Variants in LRIF1 observed in about 807,000 individuals in gnomAD.
LRIF1 encodes the protein ligand-dependent nuclear receptor-interacting factor 1.
LRIF1 carries 32 observed loss-of-function variants against 52.7 expected under a neutral mutation model. The ratio of observed to expected loss-of-function variants is 0.61; its 90% CI spans 0.46 to 0.82. The LOEUF (loss-of-function observed/expected upper bound fraction) is 0.82, where lower values mean the gene tolerates loss of function less well. Ranked by LOEUF, LRIF1 falls within the 40% of genes least tolerant of loss-of-function variation. The pLI is 0.00. For missense variants in LRIF1, 887 were observed against 892.0 expected, an observed-to-expected ratio of 0.99 and a Z score of 0.07; for synonymous variants, 323 against 317.4, an observed-to-expected ratio of 1.02 and a Z score of -0.19.
chr1:110,898,572 T>A, the LRIF1 span, among the ~76,000 whole-genome samples: 45 of 152,190 alleles, frequency 3.0e-4, no homozygotes, highest in Middle Eastern at 3.4e-3. Context: ...AAGGGGCTGA[T>A]GACGAAAATT....
chr1:110,880,128 G>A, the LRIF1 span: 1 of 152,282 alleles, frequency 6.6e-6, no homozygotes, highest in East Asian at 1.9e-4. Context: ...TGATATTGGT[G>A]GCTTTTTGCA....
the LRIF1 span, among the ~76,000 whole-genome samples, chr1:110,898,222 A>G: frequency 6.6e-6 from 1 of 151,962 alleles, no homozygotes; most frequent in Non-Finnish European, 1.5e-5. Context: ...CTAAAAATAC[A>G]AAAAATTAAC....
chr1:110,959,682 C>T (rs981288319), intron 1 of LRIF1, among the ~76,000 whole-genome samples: 4 of 135,722 alleles, frequency 2.9e-5, no homozygotes, highest in East Asian at 2.2e-4. Flanking sequence ...CCCAGGAGGT[C>T]GAGGTTGCAG....
At chr1:110,942,388 G>T (rs1658114340), downstream of LRIF1, 1 of 151,970 alleles carries the variant, frequency 6.6e-6, no homozygotes. Flanking sequence ...TTTTTTTAGG[G>T]TGAATTTTCT....
At chr1:110,927,324 A>ATT in the LRIF1 span, among the ~76,000 whole-genome samples, 1 of 152,110 alleles carries the variant, frequency 6.6e-6, no homozygotes, top group Non-Finnish European at 1.5e-5. Context: ...GTGAGGAGCT[A>ATT]TTGTCTTTCC....
At chr1:110,880,436 A>T in the LRIF1 span, 1 of 152,176 alleles carries the variant, frequency 6.6e-6, no homozygotes, top group Non-Finnish European at 1.5e-5. Flanking sequence ...GGAAAGAATC[A>T]GTAGGAATGT....
chr1:110,932,517 A>T, the LRIF1 span, among the ~76,000 whole-genome samples: 2 of 152,152 alleles, frequency 1.3e-5, no homozygotes, highest in Non-Finnish European at 2.9e-5. Context: ...CAATTCTGTG[A>T]AGAAACTCAG....
At chr1:110,956,404 G>T (rs968078597) in intron 1 of LRIF1, among the ~76,000 whole-genome samples, 1 of 152,146 alleles carries the variant, frequency 6.6e-6, no homozygotes, top group African/African-American at 2.4e-5. Context: ...ATTGATAAGA[G>T]TTATTAAAAT....
At chr1:110,882,802 T>C in the LRIF1 span, among the ~76,000 whole-genome samples, 3 of 152,080 alleles carry the variant, frequency 2.0e-5, no homozygotes, top group Middle Eastern at 3.2e-3. Context: ...GATTTATGCC[T>C]AAGTATTTCA....
At chr1:110,913,617 C>T in the LRIF1 span, among the ~76,000 whole-genome samples, 1 of 152,150 alleles carries the variant, frequency 6.6e-6, no homozygotes, top group South Asian at 2.1e-4. Context: ...GTCAGAATGG[C>T]TATTACTAAA....
At chr1:110,922,951 C>T in the LRIF1 span, among the ~76,000 whole-genome samples, 34 of 152,320 alleles carry the variant, frequency 2.2e-4, no homozygotes, top group East Asian at 6.4e-3. Flanking sequence ...CTCTCCTTCT[C>T]TTCCTCTTGT....
At chr1:110,880,064 T>G in the LRIF1 span, among the ~76,000 whole-genome samples, 2 of 152,190 alleles carry the variant, frequency 1.3e-5, no homozygotes, top group African/African-American at 2.4e-5. Context: ...CATGTTGAGT[T>G]GTGGAAGGTA....
At chr1:110,893,373 A>G in the LRIF1 span, among the ~76,000 whole-genome samples, 2 of 152,014 alleles carry the variant, frequency 1.3e-5, no homozygotes, top group Admixed American at 6.6e-5. Context: ...CCCAGGCTGG[A>G]GTGCAATGGC....
chr1:110,876,910 T>C, the LRIF1 span, among the ~76,000 whole-genome samples: 1 of 152,330 alleles, frequency 6.6e-6, no homozygotes, highest in East Asian at 1.9e-4. Flanking sequence ...CATTTGACAG[T>C]AATTAGTAAT....
chr1:110,924,523 G>C, the LRIF1 span, among the ~76,000 whole-genome samples: 4 of 152,320 alleles, frequency 2.6e-5, no homozygotes, highest in Admixed American at 1.3e-4. Context: ...GAAGGGGATA[G>C]AGCCCCTTAT....
the LRIF1 span, among the ~76,000 whole-genome samples, chr1:110,927,180 C>T: frequency 6.6e-6 from 1 of 152,022 alleles, no homozygotes; most frequent in East Asian, 1.9e-4. Flanking sequence ...GCGATAATTT[C>T]TTTGTAAATT....
At chr1:110,905,409 A>G in the LRIF1 span, among the ~76,000 whole-genome samples, 11 of 152,104 alleles carry the variant, frequency 7.2e-5, no homozygotes, top group Admixed American at 6.6e-4. Context: ...AACAAATAAC[A>G]TACAATGGAG....
chr1:110,927,517 A>G, the LRIF1 span, among the ~76,000 whole-genome samples: 1 of 152,188 alleles, frequency 6.6e-6, no homozygotes, highest in Non-Finnish European at 1.5e-5. Context: ...GGGCTCCAGT[A>G]GCCAGAAGTC....
the LRIF1 span, among the ~76,000 whole-genome samples, chr1:110,875,821 G>A: frequency 8.5e-5 from 13 of 152,318 alleles, no homozygotes; most frequent in Admixed American, 6.5e-4. Flanking sequence ...GCTGTCTGGA[G>A]GTAGGTTTTG....
Sources: allele counts gnomAD v4.1 joint callset (sites outside exome capture counted in the v4.1 genomes callset), GRCh38; gene constraint gnomAD v4.1.1; transcripts MANE v1.5; gene names NCBI Gene and HGNC (gene_info 2026-07-23, HGNC 2026-07-21).